ADGRV1: variants seen among roughly 807,000 people sequenced by gnomAD.
ADGRV1 encodes G-protein coupled receptor 98.
A neutral mutation model predicts 596.2 loss-of-function variants in ADGRV1; 359 were observed. The ratio of observed to expected loss-of-function variants is 0.60; its 90% CI spans 0.55 to 0.66. The LOEUF is 0.66. Among genes scored for constraint, ADGRV1 ranks in the 30% least tolerant of loss-of-function variants. The probability of loss-of-function intolerance (pLI) is 0.00; values close to 1 mark genes in which losing one functional copy is unlikely to be tolerated. For synonymous variants in ADGRV1, 2,681 were observed against 2,679.2 expected (o/e 1.00, Z -0.02); for missense variants, 7,274 against 7,575.6 (o/e 0.96, Z 1.48).
intron 1 of ADGRV1, among the ~76,000 whole-genome samples, chr5:90,600,807 A>C (rs1308743163): frequency 6.6e-6 from 1 of 152,232 alleles, no homozygotes; most frequent in Non-Finnish European, 1.5e-5. Context: ...TTGTGTCAAA[A>C]GTAATAAATG....
intron 83 of ADGRV1, among the ~76,000 whole-genome samples, chr5:90,914,477 C>G (rs1295653813): frequency 6.6e-6 from 1 of 152,086 alleles, no homozygotes; most frequent in African/African-American, 2.4e-5. Context: ...TTTAACTCTT[C>G]TAAGATCACA....
At chr5:91,062,624 A>C (rs1220881107) in intron 85 of ADGRV1, among the ~76,000 whole-genome samples, 1 of 152,086 alleles carries the variant, frequency 6.6e-6, no homozygotes, top group East Asian at 1.9e-4. Flanking sequence ...TCGTTTGGCC[A>C]GTCTGCAGAT....
At chr5:90,685,599 T>TAAAC (rs1488243090) in intron 28 of ADGRV1, among the ~76,000 whole-genome samples, 181 bp from the exon 29 acceptor site, 2 of 29,152 alleles carry the variant, frequency 6.9e-5, no homozygotes, top group Non-Finnish European at 1.2e-4. Context: ...TCCATCTCTA[T>TAAAC]AAATAAATAA....
At chr5:91,060,398 A>ATATATATT (rs796332430) in intron 85 of ADGRV1, among the ~76,000 whole-genome samples, 3 of 60,478 alleles carry the variant, frequency 5.0e-5, no homozygotes, top group African/African-American at 1.4e-4. Context: ...ATATATATAT[A>ATATATATT]TTTTTTTTTT....
chr5:90,851,102 G>GGGGTGTGTGTGT (rs1554136388), intron 79 of ADGRV1, among the ~76,000 whole-genome samples: 120 of 50,608 alleles, frequency 2.4e-3, no homozygotes, highest in African/African-American at 6.5e-3. Context: ...AGCTAGGTAG[G>GGGGTGTGTGTGT]GTGTGTGTGT....
At chr5:91,030,929 A>C (rs1475206923) in intron 85 of ADGRV1, 3 of 745,052 alleles carry the variant, frequency 4.0e-6, no homozygotes, top group Non-Finnish European at 6.1e-6. Flanking sequence ...TCTTGTGATC[A>C]GAGTCCATAT....
At chr5:91,063,846 C>CTGGTGGTGG (rs199538556) in intron 85 of ADGRV1, among the ~76,000 whole-genome samples, 74 of 151,028 alleles carry the variant, frequency 4.9e-4, no homozygotes, top group African/African-American at 1.7e-3. Flanking sequence ...CATAGGGGAG[C>CTGGTGGTGG]TGGTGGTGGT....
At chr5:90,738,876 T>G (rs1753594113) in intron 50 of ADGRV1, among the ~76,000 whole-genome samples, 1 of 152,176 alleles carries the variant, frequency 6.6e-6, no homozygotes, top group Non-Finnish European at 1.5e-5. Flanking sequence ...TTTTTAAAAA[T>G]AATGATTCTT....
intron 85 of ADGRV1, among the ~76,000 whole-genome samples, chr5:91,066,557 G>A (rs1819073): frequency 0.59 from 90,049 of 151,980 alleles, 27,298 homozygotes; most frequent in South Asian, 0.68. Flanking sequence ...GAGTTAAAAG[G>A]TAATTTAAAA....
In ADGRV1 at chr5:90,783,156, G is replaced by A; in HGVS notation, c.13264G>A (p.Val4422Met). 1.9e-6 allele frequency: 3 copies of A among 1,613,610 alleles called. No individual in the cohort carries two copies. Among genetic ancestry groups the A allele is most frequent in the Middle Eastern group, 1.7e-4 (1 of 6,058 alleles). The change falls in exon 66 of 90, where the codon GTG becomes ATG. Residue 4422 changes from valine (V) to methionine (M), a missense_variant. Physicochemically the swap from Val to Met is conservative, Grantham distance 21. Transcript: ENST00000405460. ...AGATGTTGGGCTGATCATGATCCCA[G>A]TGGTGAGGCTACATGGAACTTATGG... Reference protein sequence around the residue: ...EEDVGLIMIPVVRLHGTYGYV... With the variant: ...EEDVGLIMIPMVRLHGTYGYV...
At chr5:90,706,847 A>C (rs887002001) in intron 38 of ADGRV1, among the ~76,000 whole-genome samples, 1 of 151,382 alleles carries the variant, frequency 6.6e-6, no homozygotes, top group East Asian at 1.9e-4. Context: ...CCTTTAAATC[A>C]TCTTATTTCT....
rs1332345099 is a variant in ADGRV1 at position 90,791,318 on chromosome 5, A to G, written c.14489A>G (p.Lys4830Arg). ...GTGGTCAAAGATGGTGCCACATATA[A>G]AGTGGACGTGGTGCCAATAAAGAAT... ...QLVVKDGATYKVDVVPIKNQV... is the reference protein window; with the variant it reads ...QLVVKDGATYRVDVVPIKNQV... The change falls in exon 70 of 90, where the codon AAA becomes AGA. Residue 4830 changes from lysine to arginine, a missense_variant. Transcript: ENST00000405460. 1.3e-6 allele frequency: 2 copies of G among 1,577,742 alleles called. No homozygotes were observed. The highest frequency in any genetic ancestry group is 1.8e-5 in the Admixed American group (1 of 54,120).
At chr5:90,895,757 G>A (rs1771251766) in intron 83 of ADGRV1, among the ~76,000 whole-genome samples, 1 of 152,164 alleles carries the variant, frequency 6.6e-6, no homozygotes. Flanking sequence ...TTAACTTGCT[G>A]TCCTCCAGTT....
chr5:90,659,372 A>T (rs1193599277), intron 21 of ADGRV1, among the ~76,000 whole-genome samples: 1 of 152,240 alleles, frequency 6.6e-6, no homozygotes, highest in East Asian at 1.9e-4. Flanking sequence ...TAGTGATATT[A>T]ACCAGTGTGA....
intron 86 of ADGRV1, among the ~76,000 whole-genome samples, chr5:91,087,578 A>G (rs1790001257): frequency 6.6e-6 from 1 of 152,096 alleles, no homozygotes; most frequent in African/African-American, 2.4e-5. Flanking sequence ...AATGTATATA[A>G]TCATTGAGAG....
intron 82 of ADGRV1, among the ~76,000 whole-genome samples, chr5:90,859,331 A>T (rs965539879): frequency 1.3e-5 from 2 of 152,214 alleles, no homozygotes; most frequent in African/African-American, 4.8e-5. Flanking sequence ...CACAGTATTG[A>T]TCTGATGATA....
intron 85 of ADGRV1, among the ~76,000 whole-genome samples, chr5:91,005,174 G>T (rs1782167394): frequency 6.6e-6 from 1 of 152,008 alleles, no homozygotes; most frequent in Non-Finnish European, 1.5e-5. Flanking sequence ...TATTTGGTTG[G>T]CTGATTTAAG....
At chr5:90,622,888 G>A (rs1226754518) in intron 5 of ADGRV1, among the ~76,000 whole-genome samples, 187 bp downstream of exon 5, 1 of 152,060 alleles carries the variant, frequency 6.6e-6, no homozygotes, top group Non-Finnish European at 1.5e-5. Context: ...TTGCAGGCAT[G>A]TGCCACCATG....
At position 90,694,623 on chromosome 5, in the gene ADGRV1, G is replaced by C. The variant is rs146526977; in HGVS notation, c.7867G>C (p.Glu2623Gln). The part of the protein sequence containing the change: ...TGGSLGQVAV[E>Q]WRVVGGTATE... ...GGGCAGCTTAGGTCAAGTGGCAGTCGAATGGCGTGTTGTTGGTGGAACAGC... is the reference window on the plus strand; with the variant it reads ...GGGCAGCTTAGGTCAAGTGGCAGTCCAATGGCGTGTTGTTGGTGGAACAGC... The change falls in exon 33 of 90, where the codon GAA (glutamate) becomes CAA (glutamine). Residue 2623 changes from glutamate (E) to glutamine (Q), a missense_variant. Transcript: ENST00000405460. 1 of 1,613,676 alleles carries C rather than the reference G, an allele frequency of 6.2e-7. No homozygotes were observed. The highest frequency in any genetic ancestry group is 1.3e-5 in the African/African-American group (1 of 74,996).
Sources: allele counts gnomAD v4.1 joint callset (sites outside exome capture counted in the v4.1 genomes callset), GRCh38; gene constraint gnomAD v4.1.1; transcripts MANE v1.5; gene names NCBI Gene and HGNC (gene_info 2026-07-23, HGNC 2026-07-21).